TPCN2: variants seen among roughly 807,000 people sequenced by gnomAD.
The protein encoded by TPCN2 is two pore segment channel 2, also known as two pore channel protein 2.
A neutral mutation model predicts 111.4 loss-of-function variants in TPCN2; 92 were observed. That is an observed-to-expected ratio of 0.83 (90% CI 0.70 to 0.98). The LOEUF (loss-of-function observed/expected upper bound fraction) is 0.98. TPCN2 is among the 50% of genes least tolerant of loss of function. The pLI is 0.00. For synonymous variants in TPCN2, 405 were observed against 414.5 expected, an observed-to-expected ratio of 0.98 and a Z score of 0.28; for missense variants, 995 against 980.1, an observed-to-expected ratio of 1.02 and a Z score of -0.20.
At chr11:69,071,594 C>A (rs1855537443) in intron 10 of TPCN2, among the ~76,000 whole-genome samples, 174 bp downstream of exon 10, 1 of 152,222 alleles carries the variant, frequency 6.6e-6, no homozygotes, top group Admixed American at 6.5e-5. Flanking sequence ...GTTGCTCTAG[C>A]CACTGCCAGA....
At chr11:69,081,917 G>C (rs977957323) in intron 18 of TPCN2, among the ~76,000 whole-genome samples, 1 of 152,124 alleles carries the variant, frequency 6.6e-6, no homozygotes, top group Admixed American at 6.5e-5. Context: ...TAATGCGGGC[G>C]CAGGTGGCTC....
chr11:69,087,190 G>A lies in TPCN2; in HGVS notation c.2164G>A (p.Val722Met), dbSNP rs369041533. ...GTPEATYQMTVELLFRDILEE... is the reference protein window; with the variant it reads ...GTPEATYQMTMELLFRDILEE... The stretch of plus-strand genomic sequence containing the variant: ...CCCAGAGGCCACCTACCAGATGACT[G>A]TGGAGCTCCTGTTCAGGTGTGTGGG... Residue 722 changes from valine (V) to methionine (M), a missense_variant, in exon 24 of 25, where the codon GTG becomes ATG. Val to Met is a conservative substitution (Grantham distance 21, BLOSUM62 1). Coordinates refer to ENST00000294309, the MANE Select transcript of TPCN2 (RefSeq NM_139075.4). 1.4e-5 allele frequency: 22 copies of A among 1,613,752 alleles called. No homozygotes were observed. In the East Asian group the frequency reaches 1.8e-4, roughly 13 times the overall value.
intron 20 of TPCN2, 99 bp downstream of exon 20, chr11:69,085,385 G>T: frequency 8.2e-7 from 1 of 1,224,566 alleles, no homozygotes; most frequent in Middle Eastern, 1.9e-4. Flanking sequence ...ATCTCAGGAT[G>T]GGAGGGTGTT....
chr11:69,070,030 T>C (rs1394656929), intron 8 of TPCN2, among the ~76,000 whole-genome samples: 7 of 151,638 alleles, frequency 4.6e-5, no homozygotes, highest in African/African-American at 1.2e-4. Context: ...TTCTTTCTTT[T>C]TTTTTTTTGT....
chr11:69,058,930 T>G (rs532024423), intron 5 of TPCN2, among the ~76,000 whole-genome samples: 1 of 152,324 alleles, frequency 6.6e-6, no homozygotes, highest in East Asian at 1.9e-4. Flanking sequence ...AGAATCCTTA[T>G]ATGAAATTAG....
intron 19 of TPCN2, chr11:69,084,751 G>A (rs925612649): frequency 2.7e-5 from 27 of 985,322 alleles, no homozygotes; most frequent in East Asian, 1.1e-4. Context: ...TGTGCCTCGC[G>A]CCTCTGGAAA....
At position 69,085,461 on chromosome 11, in the gene TPCN2, G is replaced by A. The variant is rs546661702; in HGVS notation, c.1838+175G>A. Among the ~76,000 whole-genome samples, 8 of 149,812 alleles carry A rather than the reference G, an allele frequency of 5.3e-5. No individual in the cohort carries two copies. In the South Asian group the frequency reaches 1.5e-3, roughly 28 times the overall value. Reference sequence around the variant, plus strand: ...GACCCCCAATTTCCACCTCCGCTCCGCACCTCTCCTAGGAGCCCTTGCCTG... The same window carrying A: ...GACCCCCAATTTCCACCTCCGCTCCACACCTCTCCTAGGAGCCCTTGCCTG... On this transcript the variant is annotated intron_variant, in intron 20 of 24. Transcript: ENST00000294309.
chr11:69,071,339 G>A lies in TPCN2; in HGVS notation c.896-17G>A. 6.2e-7 allele frequency: 1 copy of A among 1,612,196 alleles called. No homozygotes were observed. The highest frequency in any genetic ancestry group is 1.1e-5 in the South Asian group (1 of 90,660). On this transcript the variant is annotated splice_polypyrimidine_tract_variant and intron_variant, in intron 9 of 24. Transcript: ENST00000294309. ...TGTACTGGTGGCGCCCCTGACCGTG[G>A]CTGTCTCCTCTTGAAGGAAGCCTGT...
intron 8 of TPCN2, among the ~76,000 whole-genome samples, chr11:69,069,801 T>A (rs868725331): frequency 1.3e-5 from 2 of 151,042 alleles, no homozygotes; most frequent in South Asian, 2.1e-4. Flanking sequence ...CAGGACCGTC[T>A]GAGTCCTAGG....
chr11:69,087,294 G>A, intron 24 of TPCN2, 88 bp downstream of exon 24: 1 of 1,165,240 alleles, frequency 8.6e-7, no homozygotes, highest in Non-Finnish European at 1.3e-6. Context: ...CGGCGGGCAG[G>A]CCCTGATGAC....
At chr11:69,061,350 T>C (rs1012519395) in intron 5 of TPCN2, among the ~76,000 whole-genome samples, 5 of 152,270 alleles carry the variant, frequency 3.3e-5, no homozygotes, top group Middle Eastern at 3.4e-3. Context: ...CCGGAGGCCA[T>C]GGGCAGAGCT....
At chr11:69,075,642 T>C (rs1262882779) in intron 13 of TPCN2, among the ~76,000 whole-genome samples, 5 of 152,118 alleles carry the variant, frequency 3.3e-5, no homozygotes, top group African/African-American at 7.2e-5. Flanking sequence ...CACAAAGAGG[T>C]CCTTTCTCGG....
chr11:69,087,698 G>A (rs1300872768), intron 24 of TPCN2, among the ~76,000 whole-genome samples, 177 bp from the exon 25 acceptor site: 1 of 152,136 alleles, frequency 6.6e-6, no homozygotes, highest in African/African-American at 2.4e-5. Context: ...TAAGAATGCC[G>A]TGTAGATATT....
rs1274642392 is a variant in TPCN2, at chr11:69,088,011, G to A, written c.*58G>A. ...GAGAGAGAGGCTGGCCTACACAGGT[G>A]CCCGTCATGGAAGAGGCGGCCATGC... On this transcript the variant is annotated 3_prime_UTR_variant, in exon 25 of 25. Transcript: ENST00000294309. The A allele has an allele frequency of 3.3e-5, 50 of 1,493,188 alleles. No homozygotes were observed. In the East Asian group the frequency reaches 1.2e-3, roughly 35 times the overall value. 92.5% of individuals were successfully genotyped at this position (1,493,188 alleles called of 1,614,324 possible).
chr11:69,079,437 C>A, intron 16 of TPCN2: 1 of 282,302 alleles, frequency 3.5e-6, no homozygotes, highest in Non-Finnish European at 6.7e-6. Context: ...TTCCTTTCCC[C>A]AGACCCAGTG....
At chr11:69,053,182 G>A (rs950031088) in intron 1 of TPCN2, among the ~76,000 whole-genome samples, 24 of 152,240 alleles carry the variant, frequency 1.6e-4, no homozygotes, top group Non-Finnish European at 3.4e-4. Flanking sequence ...TCCTAGTCAG[G>A]AGCCACTGCC....
chr11:69,089,280 C>G lies in TPCN2; in HGVS notation c.*1327C>G, dbSNP rs929362352. The G allele has an allele frequency of 6.6e-6, 1 of 152,194 alleles. No individual in the cohort carries two copies. The highest frequency in any genetic ancestry group is 1.5e-5 in the Non-Finnish European group (1 of 68,044). The allele number at this position is 152,194 out of a possible 1,614,324, so 9.4% of individuals were successfully genotyped here. ...AATAACAATAACAATATGGAAACCA[C>G]CGCAAACTTGGAGAAAAGTTGTAAG... On this transcript the variant is annotated 3_prime_UTR_variant, in exon 25 of 25. Transcript: ENST00000294309.
chr11:69,076,093 A>G (rs1374425039), intron 13 of TPCN2, among the ~76,000 whole-genome samples: 1 of 152,202 alleles, frequency 6.6e-6, no homozygotes, highest in Non-Finnish European at 1.5e-5. Context: ...TGCAAGATGT[A>G]AGGAAACCAT....
intron 1 of TPCN2, among the ~76,000 whole-genome samples, chr11:69,051,495 T>G (rs568218862): frequency 2.0e-5 from 3 of 152,242 alleles, no homozygotes; most frequent in African/African-American, 7.2e-5. Flanking sequence ...TCACAGAGGA[T>G]GATGGTCAGG....
Sources: gnomAD v4.1 joint callset for allele counts (sites outside exome capture counted in the v4.1 genomes callset) on GRCh38, gnomAD v4.1.1 for gene constraint, MANE v1.5 for transcripts, NCBI Gene and HGNC (gene_info 2026-07-23, HGNC 2026-07-21) for gene names.